The following SV2B variants were observed in gnomAD, a reference collection of about 807,000 sequenced individuals.
SV2B encodes solute carrier family 22 member B2.
SV2B carries 41 observed loss-of-function variants against 73.9 expected under a neutral mutation model. The ratio of observed to expected loss-of-function variants is 0.56; its 90% CI spans 0.43 to 0.72. The LOEUF is 0.72. Among genes scored for constraint, SV2B ranks in the 30% least tolerant of loss-of-function variants. The pLI is 0.00. For synonymous variants in SV2B, 314 were observed against 314.2 expected (o/e 1.00, Z 0.01); for missense variants, 764 against 857.8 (o/e 0.89, Z 1.37).
intron 1 of SV2B, among the ~76,000 whole-genome samples, chr15:91,168,331 A>AGAGAGAGAGAGAGAGAGAGAGAGAGAGAG (rs58086579): frequency 1.1e-4 from 17 of 151,038 alleles, no homozygotes; most frequent in South Asian, 2.1e-4. Flanking sequence ...AGAGAGAGAG[A>AGAGAGAGAGAGAGAGAGAGAGAGAGAGAG]AAAGAAATTT....
rs2042566410 is a variant in SV2B at position 91,128,969 on chromosome 15, G to C, written c.-392+28606G>C. On this transcript the variant is annotated intron_variant, in intron 1 of 12. Coordinates refer to ENST00000394232, the MANE Select transcript of SV2B (RefSeq NM_001323032.3). This position sits in a 1 kb window ranked among gnomAD's most constrained non-coding sequence, Gnocchi z 4.2. The stretch of plus-strand genomic sequence containing the variant: ...GGTCTTCATTCTGAAGGCTCCCGTG[G>C]ATACACGTCAAATAAAGTTGTATGC... 6.6e-6 allele frequency among the ~76,000 whole-genome samples: 1 copy of C among 152,220 alleles called. No homozygotes were observed. The highest frequency in any genetic ancestry group is 2.1e-4 in the South Asian group (1 of 4,826).
At chr15:91,180,867 T>C (rs2044525645) in intron 1 of SV2B, among the ~76,000 whole-genome samples, 2 of 152,242 alleles carry the variant, frequency 1.3e-5, no homozygotes, top group Admixed American at 1.3e-4. Context: ...AGTAGTTTGA[T>C]CGTCTGAAGC....
chr15:91,247,392 C>G (rs1274144887), intron 2 of SV2B, among the ~76,000 whole-genome samples: 2 of 152,086 alleles, frequency 1.3e-5, no homozygotes, highest in Middle Eastern at 3.2e-3. Flanking sequence ...ACAAATCATA[C>G]CAGTTACTTG....
At chr15:91,212,601 TG>T (rs2045905271) in intron 1 of SV2B, among the ~76,000 whole-genome samples, 1 of 152,240 alleles carries the variant, frequency 6.6e-6, no homozygotes, top group Admixed American at 6.5e-5. Flanking sequence ...AAGTGCTCTT[TG>T]TTGGGTGTAT....
At chr15:91,164,525 T>G (rs2043841343) in intron 1 of SV2B, among the ~76,000 whole-genome samples, 3 of 152,204 alleles carry the variant, frequency 2.0e-5, no homozygotes, top group Admixed American at 2.0e-4. Flanking sequence ...TGTAATTGTC[T>G]CCCTATTTTT....
chr15:91,277,415 T>C (rs892075359), intron 9 of SV2B, among the ~76,000 whole-genome samples: 20 of 152,234 alleles, frequency 1.3e-4, no homozygotes, highest in African/African-American at 4.8e-4. Flanking sequence ...CATGCAGTCA[T>C]GTAACCATCA....
chr15:91,171,738 C>T (rs764367699), intron 1 of SV2B, among the ~76,000 whole-genome samples: 1 of 152,196 alleles, frequency 6.6e-6, no homozygotes, highest in Non-Finnish European at 1.5e-5. Context: ...CTATGCCTAG[C>T]CCACACAGAC....
intron 1 of SV2B, among the ~76,000 whole-genome samples, chr15:91,212,498 T>G (rs1382615720): frequency 6.6e-6 from 1 of 152,214 alleles, no homozygotes; most frequent in Non-Finnish European, 1.5e-5. Flanking sequence ...TTTGCTAAGA[T>G]TCACTGTTTA....
chr15:91,249,901 C>T (rs73520028), intron 2 of SV2B, among the ~76,000 whole-genome samples: 43 of 152,298 alleles, frequency 2.8e-4, no homozygotes, highest in African/African-American at 9.9e-4. Flanking sequence ...AAGCCTAGGA[C>T]CTGCTGGCTT....
At chr15:91,193,703 A>G (rs1319365322) in intron 1 of SV2B, among the ~76,000 whole-genome samples, 1 of 152,246 alleles carries the variant, frequency 6.6e-6, no homozygotes, top group East Asian at 1.9e-4. Context: ...CTCAGCTTTC[A>G]TATCTGTCCA....
chr15:91,272,828 C>CTTT (rs869274294), intron 9 of SV2B, among the ~76,000 whole-genome samples: 374 of 92,732 alleles, frequency 4.0e-3, no homozygotes, highest in South Asian at 6.1e-3. Flanking sequence ...GCATATTCGT[C>CTTT]TTTTTTTTTT....
chr15:91,167,285 A>G (rs910967009), intron 1 of SV2B, among the ~76,000 whole-genome samples: 3 of 151,408 alleles, frequency 2.0e-5, no homozygotes, highest in Admixed American at 2.0e-4. Flanking sequence ...AGCTAATTAT[A>G]TTTTCCCAGT....
rs1045160158 is a variant in SV2B at position 91,280,109 on chromosome 15, T to G, written c.1374-1619T>G. Among the ~76,000 whole-genome samples the G allele has an allele frequency of 1.3e-5, 2 of 152,246 alleles. No homozygotes were observed. Among genetic ancestry groups the G allele is most frequent in the Non-Finnish European group, 2.9e-5 (2 of 68,042 alleles). Reference sequence around the variant, plus strand: ...TCTTTAATAATAACCTCAAGTTTATTCTGATGCAAGTGGTCTGGGGTCCTG... The same window carrying G: ...TCTTTAATAATAACCTCAAGTTTATGCTGATGCAAGTGGTCTGGGGTCCTG... On this transcript the variant is annotated intron_variant, in intron 9 of 12. Coordinates refer to ENST00000394232, the MANE Select transcript of SV2B (RefSeq NM_001323032.3). This position sits in a 1 kb window ranked among gnomAD's most constrained non-coding sequence, Gnocchi z 5.8.
intron 2 of SV2B, among the ~76,000 whole-genome samples, chr15:91,243,646 G>T (rs1480718445): frequency 6.6e-6 from 1 of 152,136 alleles, no homozygotes; most frequent in African/African-American, 2.4e-5. Flanking sequence ...CCAGAATGTT[G>T]TCTCATGGTT....
chr15:91,265,780 T>C lies in SV2B; in HGVS notation c.1009-802T>C, dbSNP rs1490860235. On this transcript the variant is annotated intron_variant, in intron 6 of 12. Transcript: ENST00000394232. This position sits in a 1 kb window ranked among gnomAD's most constrained non-coding sequence, Gnocchi z 4.2. The stretch of plus-strand genomic sequence containing the variant: ...GTCCAGGAGGCTCACAGTGTGGTCA[T>C]GTCCTTGACATTTCTGGGAAGAGAG... 2.6e-5 allele frequency among the ~76,000 whole-genome samples: 4 copies of C among 152,248 alleles called. No homozygotes were observed. The highest frequency in any genetic ancestry group is 4.8e-5 in the African/African-American group (2 of 41,468).
Position 91,253,563 on chromosome 15 carries a change from T to C in SV2B, c.784+1043T>C, listed in dbSNP as rs2047571109. On this transcript the variant is annotated intron_variant, in intron 4 of 12. Coordinates refer to ENST00000394232, the MANE Select transcript of SV2B (RefSeq NM_001323032.3). This position sits in a 1 kb window ranked among gnomAD's most constrained non-coding sequence, Gnocchi z 5.0. ...CTCAGTGTTTTAACACAGTGAAAGCTTCTCCCTTATGTGAGGTCCGGCTGG... is the reference window on the plus strand; with the variant it reads ...CTCAGTGTTTTAACACAGTGAAAGCCTCTCCCTTATGTGAGGTCCGGCTGG... Among the ~76,000 whole-genome samples, 2 of 152,230 alleles carry C rather than the reference T, an allele frequency of 1.3e-5. No homozygotes were observed. The highest frequency in any genetic ancestry group is 4.8e-5 in the African/African-American group (2 of 41,448).
At chr15:91,112,294 T>C (rs1397981315) in intron 1 of SV2B, among the ~76,000 whole-genome samples, 1 of 152,180 alleles carries the variant, frequency 6.6e-6, no homozygotes, top group Non-Finnish European at 1.5e-5. Flanking sequence ...GCTGGTTGTC[T>C]TGGCTCCTGA....
Position 91,245,439 on chromosome 15 carries a change from C to G in SV2B, c.452-6380C>G, listed in dbSNP as rs754207026. 1.3e-5 allele frequency among the ~76,000 whole-genome samples: 2 copies of G among 152,124 alleles called. No individual in the cohort carries two copies. The highest frequency in any genetic ancestry group is 2.9e-5 in the Non-Finnish European group (2 of 68,018). On this transcript the variant is annotated intron_variant, in intron 2 of 12. Coordinates refer to ENST00000394232, the MANE Select transcript of SV2B (RefSeq NM_001323032.3). The surrounding 1 kb of genome is among the most constrained non-coding windows in gnomAD (Gnocchi z 4.2). ...AGTTATACACGTACCAATACAAATA[C>G]AAAAATAAAGCCTGCTGACAACAGC...
rs140487968 is a variant in SV2B at position 91,288,206 on chromosome 15, A to G, written c.1709-1315A>G. Among the ~76,000 whole-genome samples the G allele has an allele frequency of 6.6e-6, 1 of 152,206 alleles. No individual in the cohort carries two copies. Among genetic ancestry groups the G allele is most frequent in the East Asian group, 1.9e-4 (1 of 5,198 alleles). On this transcript the variant is annotated intron_variant, in intron 11 of 12. Transcript: ENST00000394232. This position sits in a 1 kb window ranked among gnomAD's most constrained non-coding sequence, Gnocchi z 5.8. ...GGTTTCCCTTCAATAGCCCATGTACAGGTGTGTTCTCACCAGGTTATAAGC... is the reference window on the plus strand; with the variant it reads ...GGTTTCCCTTCAATAGCCCATGTACGGGTGTGTTCTCACCAGGTTATAAGC...
Sources: allele counts gnomAD v4.1 joint callset (sites outside exome capture counted in the v4.1 genomes callset), GRCh38; gene constraint gnomAD v4.1.1; non-coding constraint Gnocchi (gnomAD v3.1); transcripts MANE v1.5; gene names NCBI Gene and HGNC (gene_info 2026-07-23, HGNC 2026-07-21).